GRAMD1C: variants seen among roughly 807,000 people sequenced by gnomAD.
The protein encoded by GRAMD1C is protein Aster-C.
GRAMD1C carries 89 observed loss-of-function variants against 97.8 expected under a neutral mutation model. The ratio of observed to expected loss-of-function variants is 0.91; its 90% CI spans 0.77 to 1.09. The LOEUF is 1.09. Ranked by LOEUF, GRAMD1C falls within the 50% of genes least tolerant of loss-of-function variation. The pLI is 0.00. For missense variants in GRAMD1C, 740 were observed against 766.4 expected (o/e 0.97, Z 0.41); for synonymous variants, 256 against 267.0 (o/e 0.96, Z 0.40).
chr3:113,887,228 C>A (rs1161357108), intron 6 of GRAMD1C, among the ~76,000 whole-genome samples: 1 of 150,594 alleles, frequency 6.6e-6, no homozygotes, highest in Non-Finnish European at 1.5e-5. Context: ...GTAGCTGGGA[C>A]TACAGGCGCC....
chr3:113,871,845 G>A (rs915241161), intron 3 of GRAMD1C, among the ~76,000 whole-genome samples: 4 of 152,004 alleles, frequency 2.6e-5, no homozygotes, highest in African/African-American at 9.7e-5. Context: ...GGAGGCTGAG[G>A]TGGGAGGATT....
At position 113,848,392 on chromosome 3, in the gene GRAMD1C, A is replaced by G. The variant is rs1056678384; in HGVS notation, c.174+3743A>G. Among the ~76,000 whole-genome samples the G allele has an allele frequency of 2.6e-5, 4 of 152,244 alleles. 1 individual carries two copies. In the South Asian group the frequency reaches 8.3e-4, roughly 31 times the overall value. On this transcript the variant is annotated intron_variant, in intron 2 of 17. Coordinates refer to ENST00000358160, the MANE Select transcript of GRAMD1C (RefSeq NM_017577.5). Reference sequence around the variant, plus strand: ...GACAGTAAGACTAATTTAAATAATAAGAATTAACTCTCTATGGCTGTTGAT... The same window carrying G: ...GACAGTAAGACTAATTTAAATAATAGGAATTAACTCTCTATGGCTGTTGAT...
At chr3:113,905,334 G>A (rs958151575) in intron 8 of GRAMD1C, among the ~76,000 whole-genome samples, 2 of 152,130 alleles carry the variant, frequency 1.3e-5, no homozygotes, top group South Asian at 2.1e-4. Context: ...GCTCCAGACC[G>A]TTTTCTTAAT....
At chr3:113,930,342 G>A (rs1937363425) in intron 10 of GRAMD1C, among the ~76,000 whole-genome samples, 1 of 152,164 alleles carries the variant, frequency 6.6e-6, no homozygotes, top group Non-Finnish European at 1.5e-5. Context: ...CCTCAGTGAT[G>A]GGAATGTTAA....
intron 3 of GRAMD1C, among the ~76,000 whole-genome samples, chr3:113,871,474 C>T (rs1934807949): frequency 6.6e-6 from 1 of 150,950 alleles, no homozygotes; most frequent in Non-Finnish European, 1.5e-5. Flanking sequence ...TCGAGATCAT[C>T]CTGGACAACG....
chr3:113,855,769 GAGA>G (rs1021123740), intron 2 of GRAMD1C, among the ~76,000 whole-genome samples: 2 of 152,050 alleles, frequency 1.3e-5, no homozygotes, highest in Non-Finnish European at 2.9e-5. Flanking sequence ...TATTTCTCTG[GAGA>G]AGATGTTAGT....
chr3:113,855,069 T>TG (rs1330687623), intron 2 of GRAMD1C, among the ~76,000 whole-genome samples: 1 of 152,158 alleles, frequency 6.6e-6, no homozygotes, highest in Non-Finnish European at 1.5e-5. Flanking sequence ...CCCAGCAATT[T>TG]GGGGGGCCGA....
chr3:113,916,055 T>G (rs112252649), intron 10 of GRAMD1C, among the ~76,000 whole-genome samples: 2 of 152,328 alleles, frequency 1.3e-5, no homozygotes, highest in African/African-American at 4.8e-5. Flanking sequence ...AACAATTAAG[T>G]TCAGACTTTT....
At chr3:113,832,320 G>A (rs999109985) in intron 1 of GRAMD1C, among the ~76,000 whole-genome samples, 3 of 152,122 alleles carry the variant, frequency 2.0e-5, no homozygotes, top group African/African-American at 7.2e-5. Flanking sequence ...GAGCCACTGT[G>A]CCTGGCATAA....
intron 10 of GRAMD1C, among the ~76,000 whole-genome samples, chr3:113,926,539 A>G (rs1249490978): frequency 1.3e-5 from 2 of 152,174 alleles, no homozygotes; most frequent in Non-Finnish European, 2.9e-5. Context: ...GTTAAGAACC[A>G]TTGCTGGGGA....
At chr3:113,891,059 A>G in intron 6 of GRAMD1C, 1 of 288,036 alleles carries the variant, frequency 3.5e-6, no homozygotes, top group East Asian at 6.0e-5. Context: ...TACCTTTTAC[A>G]TCTTTGGATC....
chr3:113,927,719 A>C (rs1345238596), intron 10 of GRAMD1C, among the ~76,000 whole-genome samples: 2 of 152,100 alleles, frequency 1.3e-5, no homozygotes, highest in Non-Finnish European at 2.9e-5. Flanking sequence ...GGAGTCACCT[A>C]CCCTGCTGTC....
chr3:113,920,285 T>A, intron 10 of GRAMD1C: 1 of 557,146 alleles, frequency 1.8e-6, no homozygotes, highest in Non-Finnish European at 3.1e-6. Context: ...GTTGCAGCTG[T>A]AGAGGGGAGA....
intron 13 of GRAMD1C, among the ~76,000 whole-genome samples, chr3:113,935,237 C>A (rs547543638): frequency 6.6e-6 from 1 of 151,956 alleles, no homozygotes; most frequent in East Asian, 1.9e-4. Flanking sequence ...GCTCTCATAC[C>A]CCTTTGCCTC....
chr3:113,903,139 A>ATT lies in GRAMD1C; in HGVS notation c.657-987_657-986dup, dbSNP rs201449989. ...GCCACCACGCCCAGCTAATTTTTGC[A>ATT]TTTTTTTTTTTTTTTAGTAGAGACG... is the stretch of plus-strand genomic sequence containing the variant. On this transcript the variant is annotated intron_variant, in intron 7 of 17. Coordinates refer to ENST00000358160, the MANE Select transcript of GRAMD1C (RefSeq NM_017577.5). 6.0e-4 allele frequency among the ~76,000 whole-genome samples: 82 copies of ATT among 135,842 alleles called. 1 individual carries two copies. The highest frequency in any genetic ancestry group is 8.0e-3 in the Middle Eastern group (2 of 250). 89.1% of individuals were successfully genotyped at this position (135,842 alleles called of 152,430 possible).
At chr3:113,896,680 A>G (rs1935963731) in intron 6 of GRAMD1C, among the ~76,000 whole-genome samples, 2 of 152,216 alleles carry the variant, frequency 1.3e-5, no homozygotes, top group African/African-American at 4.8e-5. Context: ...CTTCATTTGA[A>G]TGAGTAGTAT....
At chr3:113,934,384 C>G in intron 12 of GRAMD1C, 48 bp from the exon 13 acceptor site, 1 of 867,078 alleles carries the variant, frequency 1.2e-6, no homozygotes, top group Admixed American at 2.2e-5. Context: ...ATGAATATAA[C>G]TAAAGTCTGC....
chr3:113,842,274 C>A (rs1382266529), intron 1 of GRAMD1C, among the ~76,000 whole-genome samples: 1 of 151,992 alleles, frequency 6.6e-6, no homozygotes, highest in Non-Finnish European at 1.5e-5. Context: ...AATTTGAGAC[C>A]CAATATTGAT....
At chr3:113,876,026 T>C (rs1280475787) in intron 4 of GRAMD1C, 139 bp from the exon 5 acceptor site, 1 of 596,064 alleles carries the variant, frequency 1.7e-6, no homozygotes, top group East Asian at 2.8e-5. Context: ...CGTGTACTTA[T>C]TAACTCCTTC....
Sources: allele counts gnomAD v4.1 joint callset (sites outside exome capture counted in the v4.1 genomes callset), GRCh38; gene constraint gnomAD v4.1.1; transcripts MANE v1.5; gene names NCBI Gene and HGNC (gene_info 2026-07-23, HGNC 2026-07-21).